The following HAGH variants were observed in gnomAD, a reference collection of about 807,000 sequenced individuals.
HAGH encodes hydroxyacylglutathione hydrolase, also known as hydroxyacylglutathione hydrolase, mitochondrial.
A neutral mutation model predicts 35.1 loss-of-function variants in HAGH; 29 were observed. The observed-to-expected ratio is 0.83, with a 90% CI of 0.62 to 1.13. The LOEUF is 1.13. HAGH is among the 50% of genes most tolerant of loss of function. HAGH has a pLI of 0.00. For missense variants in HAGH, 478 were observed against 419.6 expected (o/e 1.14, Z -1.22); for synonymous variants, 225 against 176.1 (o/e 1.28, Z -2.20).
rs1341708858 is a variant in HAGH, at chr16:1,823,306, C to T, written c.77-269G>A. On this transcript the variant is annotated intron_variant, in intron 1 of 8. Transcript: ENST00000397356. ...TTTTTGAGACGGAGTCTCGCTCTGT[C>T]GCCCAGGCTGGAGTGCAGTGGCGCG... 7.5e-5 allele frequency among the ~76,000 whole-genome samples: 11 copies of T among 146,832 alleles called. No homozygotes were observed. The Admixed American group carries it at 7.6e-4, about 10-fold the overall frequency.
intron 1 of HAGH, among the ~76,000 whole-genome samples, chr16:1,824,000 C>T (rs1898278552): frequency 6.6e-6 from 1 of 152,110 alleles, no homozygotes; most frequent in African/African-American, 2.4e-5. Flanking sequence ...AGGGGTGCCC[C>T]CGCCTGGCCA....
Position 1,819,912 on chromosome 16 carries a change from G to C in HAGH, c.417C>G (p.His139Gln), listed in dbSNP as rs745961423. Residue 139 changes from histidine to glutamine, a missense_variant, in exon 4 of 9, where the codon CAC (histidine) becomes CAG (glutamine). Coordinates refer to ENST00000397356, the MANE Select transcript of HAGH (RefSeq NM_005326.6). The stretch of plus-strand genomic sequence containing the variant: ...CACTCCTTACCTGCAGTGTGGACAG[G>C]TGAGTGATCTTGTGAGTCAGGGCCC... ...RIGALTHKIT[H>Q]LSTLQVGSLN... is the part of the protein sequence containing the mutation. The C allele has an allele frequency of 6.2e-7, 1 of 1,606,554 alleles. No individual in the cohort carries two copies. Among genetic ancestry groups the C allele is most frequent in the Non-Finnish European group, 8.5e-7 (1 of 1,173,486 alleles).
In HAGH at chr16:1,808,147, C is replaced by T. The variant is rs1897481509; in HGVS notation, c.*1136G>A. 1 of 152,200 alleles carries T rather than the reference C, an allele frequency of 6.6e-6. No homozygotes were observed. Among genetic ancestry groups the T allele is most frequent in the Admixed American group, 6.6e-5 (1 of 15,258 alleles). 9.4% of individuals were successfully genotyped at this position (152,200 alleles called of 1,614,324 possible). On this transcript the variant is annotated 3_prime_UTR_variant, in exon 9 of 9. Coordinates refer to ENST00000397356, the MANE Select transcript of HAGH (RefSeq NM_005326.6). ...TTCTTTGAGACAGGGTCTCCCTGTTCCCCAAGCCAGAATGCAGTGGCACAA... is the reference window on the plus strand; with the variant it reads ...TTCTTTGAGACAGGGTCTCCCTGTTTCCCAAGCCAGAATGCAGTGGCACAA...
chr16:1,810,089 C>T (rs1897572629), intron 7 of HAGH: 4 of 496,612 alleles, frequency 8.1e-6, no homozygotes, highest in East Asian at 3.7e-5. Context: ...CGCTTGAGCA[C>T]AGGTCGAGGC....
intron 6 of HAGH, 48 bp from the exon 7 acceptor site, chr16:1,817,042 G>C: frequency 4.2e-6 from 6 of 1,433,818 alleles, no homozygotes; most frequent in South Asian, 1.1e-5. Flanking sequence ...TACCACCTGT[G>C]AAAGTCCTCA....
chr16:1,820,068 CTGAG>C lies in HAGH; in HGVS notation c.315-58_315-55del, dbSNP rs1898084911. The C allele has an allele frequency of 4.0e-6, 4 of 988,096 alleles. No homozygotes were observed. The African/African-American group carries it at 6.4e-5, about 16-fold the overall frequency. 61.2% of individuals were successfully genotyped at this position (988,096 alleles called of 1,614,324 possible). ...CCTGCTGAGCTGAGGGGGCTGCCTG[CTGAG>C]CTGAGGGGGCTGCCTGCTGAGCTGA... On this transcript the variant is annotated intron_variant, in intron 3 of 8. Coordinates refer to ENST00000397356, the MANE Select transcript of HAGH (RefSeq NM_005326.6).
intron 1 of HAGH, 37 bp downstream of exon 1, chr16:1,826,675 C>T: frequency 6.1e-6 from 6 of 979,140 alleles, no homozygotes; most frequent in Non-Finnish European, 7.3e-6. Context: ...CCCGCCAGGC[C>T]CGCGTCCCCC....
At chr16:1,822,479 T>A in intron 2 of HAGH, 115 bp from the exon 3 acceptor site, 2 of 789,240 alleles carry the variant, frequency 2.5e-6, no homozygotes, top group Non-Finnish European at 4.4e-6. Flanking sequence ...GCCGCTGACA[T>A]GGCCCGTCCT....
intron 4 of HAGH, 72 bp from the exon 5 acceptor site, chr16:1,819,295 C>T (rs986175468): frequency 8.3e-6 from 8 of 958,316 alleles, no homozygotes; most frequent in Middle Eastern, 2.4e-4. Context: ...CACGGCGCGC[C>T]GCCTGGGCCC....
At chr16:1,826,325 G>C (rs971957788) in intron 1 of HAGH, among the ~76,000 whole-genome samples, 3 of 150,522 alleles carry the variant, frequency 2.0e-5, no homozygotes, top group African/African-American at 7.3e-5. Context: ...TCCTTGCAGC[G>C]GGGCAGCAGG....
chr16:1,821,409 A>AG (rs1397123801), intron 3 of HAGH: 1 of 152,284 alleles, frequency 6.6e-6, no homozygotes, highest in Non-Finnish European at 1.5e-5. Context: ...GAGAGGCCCT[A>AG]GGGCAGTGCC....
At chr16:1,809,447 C>T (rs1673890357) in intron 8 of HAGH, 65 bp from the exon 9 acceptor site, 4 of 1,350,172 alleles carry the variant, frequency 3.0e-6, no homozygotes, top group Non-Finnish European at 4.2e-6. Flanking sequence ...GCCAGGGCCA[C>T]TGCAGAGGAA....
At position 1,817,058 on chromosome 16, in the gene HAGH, G is replaced by C. The variant is rs1007957844; in HGVS notation, c.646-64C>G. ...ACCACCTGTGAAAGTCCTCAGGGACGGGACCTGGATGCCCCCGGGGGGTGT... is the reference window on the plus strand; with the variant it reads ...ACCACCTGTGAAAGTCCTCAGGGACCGGACCTGGATGCCCCCGGGGGGTGT... On this transcript the variant is annotated intron_variant, in intron 6 of 8. Coordinates refer to ENST00000397356, the MANE Select transcript of HAGH (RefSeq NM_005326.6). The C allele has an allele frequency of 2.5e-5, 35 of 1,376,572 alleles. 1 individual carries two copies. The South Asian group carries it at 3.8e-4, about 15-fold the overall frequency. 85.3% of individuals were successfully genotyped at this position (1,376,572 alleles called of 1,614,324 possible). A position where few individuals can be genotyped will look rare whatever the true frequency, so the allele number is the denominator to read the frequency against.
chr16:1,815,284 G>A (rs1897841767), intron 7 of HAGH, among the ~76,000 whole-genome samples: 2 of 152,120 alleles, frequency 1.3e-5, no homozygotes, highest in South Asian at 2.1e-4. Context: ...TTTGGAAAAC[G>A]GTTCACACCT....
Position 1,812,143 on chromosome 16 carries a change from T to C in HAGH, c.748-2310A>G, listed in dbSNP as rs539589397. On this transcript the variant is annotated intron_variant, in intron 7 of 8. Transcript: ENST00000397356. ...AGGCGGAGGTTGCAGTGAGCCGAGA[T>C]TGTGCCACTGCACTCCAGCCTGGGC... 2.7e-5 allele frequency among the ~76,000 whole-genome samples: 4 copies of C among 148,904 alleles called. No homozygotes were observed. The South Asian group carries it at 8.5e-4, about 32-fold the overall frequency.
At chr16:1,824,866 C>A (rs528831636) in intron 1 of HAGH, among the ~76,000 whole-genome samples, 1 of 152,344 alleles carries the variant, frequency 6.6e-6, no homozygotes, top group African/African-American at 2.4e-5. Flanking sequence ...TATTCCCCTT[C>A]CCCTTAGCCT....
chr16:1,822,861 G>A lies in HAGH; in HGVS notation c.249+4C>T, dbSNP rs747468071. 6.8e-6 allele frequency: 11 copies of A among 1,611,812 alleles called. No homozygotes were observed. The highest frequency in any genetic ancestry group is 5.5e-5 in the South Asian group (5 of 91,046). On this transcript the variant is annotated splice_donor_region_variant and intron_variant, in intron 2 of 8. Transcript: ENST00000397356. Reference sequence around the variant, plus strand: ...CAGGGAGAGCCAGGCACAGCCATGCGCACCTTCTGGGGCTGCACCGGATCC... The same window carrying A: ...CAGGGAGAGCCAGGCACAGCCATGCACACCTTCTGGGGCTGCACCGGATCC...
chr16:1,821,551 T>G (rs1898147000), intron 3 of HAGH: 1 of 152,262 alleles, frequency 6.6e-6, no homozygotes, highest in South Asian at 2.1e-4. Flanking sequence ...GAGCAGGCAA[T>G]GCCAGCCCTA....
chr16:1,822,881 G>A lies in HAGH; in HGVS notation c.233C>T (p.Pro78Leu), dbSNP rs769968572. Reference protein sequence around the residue: ...DETKEAAIVDPVQPQKVVDAA... With the variant: ...DETKEAAIVDLVQPQKVVDAA... ...CATGCGCACCTTCTGGGGCTGCACCGGATCCACAATGGCAGCCTCCTTGGT... is the reference window on the plus strand; with the variant it reads ...CATGCGCACCTTCTGGGGCTGCACCAGATCCACAATGGCAGCCTCCTTGGT... The change falls in exon 2 of 9, where the codon CCG (proline) becomes CTG (leucine). Residue 78 changes from proline to leucine, a missense_variant. Coordinates refer to ENST00000397356, the MANE Select transcript of HAGH (RefSeq NM_005326.6). The A allele has an allele frequency of 1.1e-5, 18 of 1,613,616 alleles. No individual in the cohort carries two copies. Among genetic ancestry groups the A allele is most frequent in the African/African-American group, 5.3e-5 (4 of 75,050 alleles).
Sources: allele counts gnomAD v4.1 joint callset (sites outside exome capture counted in the v4.1 genomes callset), GRCh38; gene constraint gnomAD v4.1.1; transcripts MANE v1.5; gene names NCBI Gene and HGNC (gene_info 2026-07-23, HGNC 2026-07-21).